ATP1B4: variants seen among roughly 807,000 people sequenced by gnomAD.
ATP1B4 encodes ATPase Na+/K+ transporting family member beta 4.
ATP1B4 carries 32 observed loss-of-function variants against 29.6 expected under a neutral mutation model. The ratio of observed to expected loss-of-function variants is 1.08; its 90% confidence interval spans 0.82 to 1.45. The LOEUF (loss-of-function observed/expected upper bound fraction) is 1.45. Among genes scored for constraint, ATP1B4 ranks in the 40% most tolerant of loss-of-function variants. ATP1B4 has a pLI of 0.00. For synonymous variants in ATP1B4, 127 were observed against 102.1 expected (o/e 1.24, Z -1.47); for missense variants, 323 against 276.2 (o/e 1.17, Z -1.20).
At chrX:120,369,994 G>A (rs1166967687) in intron 2 of ATP1B4, among the ~76,000 whole-genome samples, 1 of 111,462 alleles carries the variant, frequency 9.0e-6, no homozygotes. Context: ...AAGAATCCGA[G>A]GTAAGTGCTA....
intron 1 of ATP1B4, among the ~76,000 whole-genome samples, chrX:120,364,894 A>G (rs2058277873): frequency 9.0e-6 from 1 of 110,671 alleles, no homozygotes; most frequent in African/African-American, 3.3e-5. Context: ...TTTTTTTTTA[A>G]TTTTGTAGAG....
chrX:120,378,370 C>T (rs2058366531), intron 6 of ATP1B4, among the ~76,000 whole-genome samples: 1 of 111,791 alleles, frequency 8.9e-6, no homozygotes, highest in Non-Finnish European at 1.9e-5. Flanking sequence ...ACTGCAAGCC[C>T]TTTGGATTGC....
In ATP1B4 at chrX:120,380,328, C is replaced by G. The variant is rs1039787623; in HGVS notation, c.*694C>G. The G allele has an allele frequency of 6.3e-5, 7 of 111,901 alleles. No individual in the cohort carries two copies. In the Admixed American group the frequency reaches 6.6e-4, roughly 11 times the overall value. 9.2% of individuals were successfully genotyped at this position (111,901 alleles called of 1,213,427 possible). A position where few individuals can be genotyped will look rare whatever the true frequency, so the allele number is the denominator to read the frequency against. On this transcript the variant is annotated 3_prime_UTR_variant, in exon 8 of 8. Coordinates refer to ENST00000218008, the MANE Select transcript of ATP1B4 (RefSeq NM_001142447.3). ...CCTAAAGACCTCTATATCCTGGTGC[C>G]TAAGAAACTTCTGCCTCCCACAGAC...
chrX:120,369,389 G>T (rs1748540970), intron 2 of ATP1B4, among the ~76,000 whole-genome samples: 1 of 112,355 alleles, frequency 8.9e-6, no homozygotes, highest in South Asian at 3.7e-4. Flanking sequence ...GGATTACTAT[G>T]GGTTTTTTTT....
In ATP1B4 at chrX:120,381,306, A is replaced by T. The variant is rs1255617722; in HGVS notation, c.*1672A>T. 8.9e-6 allele frequency: 1 copy of T among 112,067 alleles called. No homozygotes were observed. The highest frequency in any genetic ancestry group is 1.9e-5 in the Non-Finnish European group (1 of 53,215). 9.2% of individuals were successfully genotyped at this position (112,067 alleles called of 1,213,427 possible). A position where few individuals can be genotyped will look rare whatever the true frequency, so the allele number is the denominator to read the frequency against. On this transcript the variant is annotated 3_prime_UTR_variant, in exon 8 of 8. Transcript: ENST00000218008. ...AAAAGGGCTCAGAGGAATGGCAGGG[A>T]TGGCAAGAGATCCAGCTAGAGAGGT...
chrX:120,377,306 G>C (rs2058361090), intron 6 of ATP1B4, among the ~76,000 whole-genome samples: 1 of 112,389 alleles, frequency 8.9e-6, no homozygotes, highest in Admixed American at 9.4e-5. Flanking sequence ...GTAAGAGTAT[G>C]ACTCCGTCTC....
intron 5 of ATP1B4, 107 bp from the exon 6 acceptor site, chrX:120,376,273 C>A (rs1198835881): frequency 5.7e-6 from 4 of 698,635 alleles, no homozygotes; most frequent in Non-Finnish European, 8.7e-6. Flanking sequence ...ATAGATGAAG[C>A]ATATGCCTGA....
chrX:120,374,751 A>ATATATATAT lies in ATP1B4; in HGVS notation c.563-620_563-612dup, dbSNP rs2058338773. Among the ~76,000 whole-genome samples the ATATATATAT allele has an allele frequency of 2.2e-3, 27 of 12,296 alleles. 3 individuals are homozygous for ATATATATAT. The highest frequency in any genetic ancestry group is 0.011 in the African/African-American group (27 of 2,563). 10.7% of individuals were successfully genotyped at this position (12,296 alleles called of 115,157 possible). On this transcript the variant is annotated intron_variant, in intron 4 of 7. Transcript: ENST00000218008. ...TATATTATATTATATATAAGGGTGT[A>ATATATATAT]TATATATATATTATATATATATAAT...
chrX:120,375,737 C>T (rs188562794), intron 5 of ATP1B4, among the ~76,000 whole-genome samples, 169 bp downstream of exon 5: 116 of 109,638 alleles, frequency 1.1e-3, no homozygotes, highest in Non-Finnish European at 3.6e-4. Context: ...TCTTCCCCCC[C>T]GCCCACCGAG....
chrX:120,376,475 G>T, intron 6 of ATP1B4, 39 bp downstream of exon 6: 1 of 1,129,168 alleles, frequency 8.9e-7, no homozygotes, highest in Non-Finnish European at 1.2e-6. Flanking sequence ...TAGCACATCT[G>T]TTTCATGCAA....
At position 120,379,764 on chromosome X, in the gene ATP1B4, C is replaced by A; in HGVS notation, c.*130C>A. 1.5e-6 allele frequency: 1 copy of A among 679,209 alleles called. No homozygotes were observed. Among genetic ancestry groups the A allele is most frequent in the Non-Finnish European group, 2.1e-6 (1 of 474,346 alleles). 56.0% of individuals were successfully genotyped at this position (679,209 alleles called of 1,213,427 possible). A position where few individuals can be genotyped will look rare whatever the true frequency, so the allele number is the denominator to read the frequency against. ...CATCTAAGACAGCCGATCATCTTTC[C>A]TTGCCTATGACATGTGTATAAAATG... On this transcript the variant is annotated 3_prime_UTR_variant, in exon 8 of 8. Coordinates refer to ENST00000218008, the MANE Select transcript of ATP1B4 (RefSeq NM_001142447.3).
intron 2 of ATP1B4, among the ~76,000 whole-genome samples, chrX:120,370,170 G>T (rs1349375698): frequency 9.0e-6 from 1 of 111,575 alleles, no homozygotes; most frequent in Non-Finnish European, 1.9e-5. Context: ...ATTCATCTTT[G>T]CTAAAGATGA....
chrX:120,362,155 C>A lies in ATP1B4; in HGVS notation c.-14C>A. ...ATTGCCTGCCTCTGCTGCGTCTTTG[C>A]CCACTGAACAGCCATGAGAAGGCAA... is the stretch of plus-strand genomic sequence containing the variant. On this transcript the variant is annotated 5_prime_UTR_variant, in exon 1 of 8. Coordinates refer to ENST00000218008, the MANE Select transcript of ATP1B4 (RefSeq NM_001142447.3). The A allele has an allele frequency of 8.3e-7, 1 of 1,207,871 alleles. No homozygotes were observed. The highest frequency in any genetic ancestry group is 1.8e-5 in the South Asian group (1 of 56,884).
chrX:120,362,258 G>T (rs772042850), intron 1 of ATP1B4, 27 bp downstream of exon 1: 1 of 1,174,689 alleles, frequency 8.5e-7, no homozygotes, highest in African/African-American at 1.8e-5. Context: ...AGAATATTTT[G>T]CTGCCCCCTC....
At chrX:120,378,846 T>C (rs2058369060) in intron 7 of ATP1B4, 73 bp downstream of exon 7, 2 of 960,448 alleles carry the variant, frequency 2.1e-6, no homozygotes, top group Non-Finnish European at 3.0e-6. Flanking sequence ...CTGGGATCTA[T>C]GAGAATTAGG....
intron 2 of ATP1B4, among the ~76,000 whole-genome samples, chrX:120,368,986 G>A (rs925283825): frequency 9.0e-6 from 1 of 111,596 alleles, no homozygotes. Flanking sequence ...ACTCTAGGGC[G>A]CCCACTCCTG....
intron 6 of ATP1B4, 114 bp downstream of exon 6, chrX:120,376,550 T>C (rs2058357286): frequency 3.2e-6 from 2 of 628,807 alleles, no homozygotes; most frequent in Middle Eastern, 3.2e-4. Context: ...GGTTAATCTT[T>C]TCATAACTAC....
rs1569352029 is a variant in ATP1B4 at position 120,362,148 on chromosome X, GT to G, written c.-20del. The stretch of plus-strand genomic sequence containing the variant: ...TCACCCGATTGCCTGCCTCTGCTGC[GT>G]CTTTGCCCACTGAACAGCCATGAGA... On this transcript the variant is annotated 5_prime_UTR_variant, in exon 1 of 8. Coordinates refer to ENST00000218008, the MANE Select transcript of ATP1B4 (RefSeq NM_001142447.3). The G allele has an allele frequency of 8.3e-7, 1 of 1,205,225 alleles. No homozygotes were observed. The highest frequency in any genetic ancestry group is 1.8e-5 in the South Asian group (1 of 56,802).
intron 6 of ATP1B4, 75 bp downstream of exon 6, chrX:120,376,511 CT>C: frequency 1.1e-6 from 1 of 893,430 alleles, no homozygotes; most frequent in Non-Finnish European, 1.6e-6. Context: ...CTTTCAAGGA[CT>C]TACACATGGA....
Sources: allele counts gnomAD v4.1 joint callset (sites outside exome capture counted in the v4.1 genomes callset), GRCh38; gene constraint gnomAD v4.1.1; transcripts MANE v1.5; gene names NCBI Gene and HGNC (gene_info 2026-07-23, HGNC 2026-07-21).